Variants in DTD1 observed in about 807,000 individuals in gnomAD.
DTD1 encodes D-tyrosyl-tRNA deacylase 1 homolog.
Under a neutral mutation model 25.6 loss-of-function variants are expected in DTD1, and 13 were observed. That is an observed-to-expected ratio of 0.51 (90% CI 0.33 to 0.81). The LOEUF (loss-of-function observed/expected upper bound fraction) is 0.81. Ranked by LOEUF, DTD1 falls within the 30% of genes least tolerant of loss-of-function variation. The pLI, the probability that DTD1 is intolerant of heterozygous loss-of-function variation, is 0.02. For missense variants in DTD1, 193 were observed against 266.4 expected (o/e 0.72, Z 1.92); for synonymous variants, 110 against 103.6 (o/e 1.06, Z -0.37).
rs555634942 is a variant in DTD1, at chr20:18,762,145, T to C, written c.*20-1215T>C. On this transcript the variant is annotated intron_variant, in intron 5 of 5. Coordinates refer to ENST00000377452, the MANE Select transcript of DTD1 (RefSeq NM_080820.6). ...GTTAGTCTATGGAAGCATCTGCTTG[T>C]GATACAACCCTTTCTTAAGAAGGTG... Among the ~76,000 whole-genome samples, 38 of 152,316 alleles carry C rather than the reference T, an allele frequency of 2.5e-4. 1 individual carries two copies. The South Asian group carries it at 7.7e-3, about 31-fold the overall frequency.
chr20:18,743,312 T>G (rs1213018280), intron 4 of DTD1, among the ~76,000 whole-genome samples: 1 of 152,210 alleles, frequency 6.6e-6, no homozygotes, highest in Non-Finnish European at 1.5e-5. Context: ...AACTGGTAAC[T>G]GAGACGGTGT....
Position 18,669,189 on chromosome 20 carries a change from G to A in DTD1, c.477+40956G>A, listed in dbSNP as rs57223146. Reference sequence around the variant, plus strand: ...GTAGTGAGGTGAGTAGGAGTGTGTGGGAAGGGGCGTCTCTGAGGCCACTCC... The same window carrying A: ...GTAGTGAGGTGAGTAGGAGTGTGTGAGAAGGGGCGTCTCTGAGGCCACTCC... On this transcript the variant is annotated intron_variant, in intron 4 of 5. Transcript: ENST00000377452. 3.9e-3 allele frequency among the ~76,000 whole-genome samples: 594 copies of A among 152,314 alleles called. 3 individuals are homozygous for A. Among genetic ancestry groups the A allele is most frequent in the African/African-American group, 0.014 (568 of 41,562 alleles).
intron 3 of DTD1, among the ~76,000 whole-genome samples, chr20:18,603,741 A>G (rs201472253): frequency 1.5e-5 from 2 of 130,244 alleles, no homozygotes; most frequent in Non-Finnish European, 3.3e-5. Context: ...ACAAAGACAC[A>G]ATATACCAGA....
At chr20:18,707,459 A>G (rs756317502) in intron 4 of DTD1, among the ~76,000 whole-genome samples, 7 of 152,142 alleles carry the variant, frequency 4.6e-5, no homozygotes, top group African/African-American at 7.2e-5. Context: ...GTCTTACCCA[A>G]TATACCAAAC....
intron 4 of DTD1, chr20:18,631,850 A>G: frequency 1.0e-6 from 1 of 985,320 alleles, no homozygotes; most frequent in Non-Finnish European, 1.2e-6. Context: ...TTTTCTGGAA[A>G]TGGTAGAATA....
rs113712939 is a variant in DTD1 at position 18,655,832 on chromosome 20, G to A, written c.477+27599G>A. 3.9e-3 allele frequency among the ~76,000 whole-genome samples: 586 copies of A among 152,086 alleles called. 2 individuals are homozygous for A. Among genetic ancestry groups the A allele is most frequent in the African/African-American group, 0.013 (554 of 41,478 alleles). The stretch of plus-strand genomic sequence containing the variant: ...GTTGCCCAGGCTGGAGTGCAATGGC[G>A]TGATCCGGCTCACAGCAATCTCCGC... On this transcript the variant is annotated intron_variant, in intron 4 of 5. Transcript: ENST00000377452.
At chr20:18,761,771 A>G (rs13041669) in intron 5 of DTD1, among the ~76,000 whole-genome samples, 24,764 of 152,252 alleles carry the variant, frequency 0.16, 2,571 homozygotes, top group East Asian at 0.34. Context: ...TATTTCAGTT[A>G]TTGGTATTGA....
rs73899865 is a variant in DTD1 at position 18,700,223 on chromosome 20, C to G, written c.478-43877C>G. On this transcript the variant is annotated intron_variant, in intron 4 of 5. Coordinates refer to ENST00000377452, the MANE Select transcript of DTD1 (RefSeq NM_080820.6). ...TACTGATGCTGACCTTGATCACTCA[C>G]TTGGTCAAGATGGTATCAGTCAGGT... 8.8e-3 allele frequency among the ~76,000 whole-genome samples: 1,333 copies of G among 152,310 alleles called. 20 individuals carry two copies. The highest frequency in any genetic ancestry group is 0.031 in the African/African-American group (1,276 of 41,562).
chr20:18,738,760 G>T (rs2061266443), intron 4 of DTD1, among the ~76,000 whole-genome samples: 1 of 152,212 alleles, frequency 6.6e-6, no homozygotes, highest in African/African-American at 2.4e-5. Flanking sequence ...GAGGGAGGAA[G>T]GGGCTGGGAA....
chr20:18,679,892 A>G lies in DTD1; in HGVS notation c.477+51659A>G, dbSNP rs575173126. Among the ~76,000 whole-genome samples the G allele has an allele frequency of 8.5e-5, 13 of 152,302 alleles. No homozygotes were observed. The South Asian group carries it at 2.3e-3, about 27-fold the overall frequency. ...ACACAGTCAAAACAAAAGTCTCTCT[A>G]TGGTGGTTCCTGGGGATGCAGTAAC... is the stretch of plus-strand genomic sequence containing the variant. On this transcript the variant is annotated intron_variant, in intron 4 of 5. Transcript: ENST00000377452.
intron 4 of DTD1, among the ~76,000 whole-genome samples, chr20:18,644,012 C>G (rs2060840751): frequency 6.6e-6 from 1 of 152,136 alleles, no homozygotes; most frequent in African/African-American, 2.4e-5. Flanking sequence ...TTCATTTTAA[C>G]TGCAAGATGG....
chr20:18,708,795 G>A (rs899182794), intron 4 of DTD1, among the ~76,000 whole-genome samples: 5 of 152,106 alleles, frequency 3.3e-5, no homozygotes, highest in African/African-American at 9.7e-5. Flanking sequence ...CTTTTCTAGC[G>A]CTGTTGTCAA....
chr20:18,683,825 T>A (rs910884864), intron 4 of DTD1, among the ~76,000 whole-genome samples: 2 of 152,218 alleles, frequency 1.3e-5, no homozygotes, highest in African/African-American at 4.8e-5. Context: ...GCTTCTTGCT[T>A]GATTCCAAGG....
chr20:18,708,319 ATTAT>A lies in DTD1; in HGVS notation c.478-35780_478-35777del, dbSNP rs1185292574. ...TATAATATATATATTTTATATATAT[ATTAT>A]ATATATATATTTTATATATATATTA... On this transcript the variant is annotated intron_variant, in intron 4 of 5. Transcript: ENST00000377452. Among the ~76,000 whole-genome samples the A allele has an allele frequency of 2.7e-3, 115 of 42,420 alleles. 3 individuals are homozygous for A. Among genetic ancestry groups the A allele is most frequent in the Admixed American group, 4.0e-3 (12 of 2,976 alleles). The allele number at this position is 42,420 out of a possible 152,430, so 27.8% of individuals were successfully genotyped here.
intron 4 of DTD1, among the ~76,000 whole-genome samples, chr20:18,741,005 A>T (rs2061275592): frequency 6.6e-6 from 1 of 152,258 alleles, no homozygotes; most frequent in South Asian, 2.1e-4. Flanking sequence ...GCCATTTCTC[A>T]GATTTTAAAA....
intron 4 of DTD1, among the ~76,000 whole-genome samples, chr20:18,640,203 T>A (rs1174280949): frequency 6.6e-6 from 1 of 152,144 alleles, no homozygotes; most frequent in Non-Finnish European, 1.5e-5. Flanking sequence ...GAAATGTTAT[T>A]TTTTAATAGT....
chr20:18,616,697 A>G (rs2060710253), intron 3 of DTD1, among the ~76,000 whole-genome samples: 1 of 152,310 alleles, frequency 6.6e-6, no homozygotes, highest in East Asian at 1.9e-4. Flanking sequence ...GTCCCAGCTA[A>G]TTGAGAGGCT....
intron 4 of DTD1, among the ~76,000 whole-genome samples, chr20:18,696,283 G>T (rs771278266): frequency 1.3e-5 from 2 of 152,048 alleles, no homozygotes; most frequent in Non-Finnish European, 2.9e-5. Flanking sequence ...AAGTCAGGCC[G>T]CCTGTCTCGG....
intron 4 of DTD1, among the ~76,000 whole-genome samples, chr20:18,659,411 C>G (rs1394196675): frequency 6.6e-6 from 1 of 152,070 alleles, no homozygotes; most frequent in Non-Finnish European, 1.5e-5. Context: ...GTACATGTGC[C>G]CTTTCCATTA....
Sources: allele counts gnomAD v4.1 joint callset (sites outside exome capture counted in the v4.1 genomes callset), GRCh38; gene constraint gnomAD v4.1.1; transcripts MANE v1.5; gene names NCBI Gene and HGNC (gene_info 2026-07-23, HGNC 2026-07-21).